TADA2A: variants seen among roughly 807,000 people sequenced by gnomAD.
TADA2A encodes the protein transcriptional adaptor 2A.
TADA2A carries 38 observed loss-of-function variants against 67.4 expected under a neutral mutation model. The ratio of observed to expected loss-of-function variants is 0.56; its 90% confidence interval spans 0.44 to 0.74. The LOEUF (loss-of-function observed/expected upper bound fraction) is 0.74. TADA2A is among the 30% of genes least tolerant of loss of function. The probability of loss-of-function intolerance (pLI) is 0.00; values close to 1 mark genes in which losing one functional copy is unlikely to be tolerated. For synonymous variants in TADA2A, 192 were observed against 181.6 expected (o/e 1.06, Z -0.46); for missense variants, 454 against 547.0 (o/e 0.83, Z 1.70).
At chr17:37,465,640 A>G (rs753500831) in intron 11 of TADA2A, 99 bp downstream of exon 11, 32 of 1,541,584 alleles carry the variant, frequency 2.1e-5, no homozygotes, top group Non-Finnish European at 2.7e-5. Flanking sequence ...TAAATAAATA[A>G]ATGGATATTT....
intron 10 of TADA2A, among the ~76,000 whole-genome samples, chr17:37,463,029 G>A (rs1290245281): frequency 1.3e-5 from 2 of 152,120 alleles, no homozygotes; most frequent in Non-Finnish European, 2.9e-5. Flanking sequence ...ATGGAGTGCA[G>A]TGGTGTGATG....
chr17:37,423,692 C>T (rs1405896709), intron 3 of TADA2A, 77 bp downstream of exon 3: 2 of 1,071,280 alleles, frequency 1.9e-6, no homozygotes, highest in Non-Finnish European at 1.4e-6. Flanking sequence ...AGATTACTGT[C>T]AACTGCTAAG....
chr17:37,439,911 T>G (rs1028586864), intron 5 of TADA2A, among the ~76,000 whole-genome samples: 3 of 44,890 alleles, frequency 6.7e-5, no homozygotes, highest in South Asian at 1.3e-3. Context: ...GTCATCTTTA[T>G]TTATTTATTT....
intron 12 of TADA2A, 74 bp from the exon 13 acceptor site, chr17:37,470,326 T>C: frequency 6.4e-7 from 1 of 1,571,122 alleles, no homozygotes. Flanking sequence ...CCAAAACCGG[T>C]TTCTTGGTCA....
intron 8 of TADA2A, among the ~76,000 whole-genome samples, chr17:37,449,228 A>G (rs574053956): frequency 6.6e-6 from 1 of 152,192 alleles, no homozygotes; most frequent in Non-Finnish European, 1.5e-5. Context: ...TCACCATGTT[A>G]GCCAGGATAG....
chr17:37,440,799 T>C, intron 6 of TADA2A, 137 bp downstream of exon 6: 1 of 1,156,210 alleles, frequency 8.6e-7, no homozygotes. Flanking sequence ...TGGCAGCTAT[T>C]GAGAGTCAGG....
rs780540038 is a variant in TADA2A, at chr17:37,476,859, C to T, written c.1209C>T (p.Asn403=). The T allele has an allele frequency of 6.8e-6, 11 of 1,614,080 alleles. No individual in the cohort carries two copies. Among genetic ancestry groups the T allele is most frequent in the East Asian group, 4.5e-5 (2 of 44,882 alleles). Residue 403 remains asparagine, a synonymous_variant, in exon 16 of 16, where the codon AAC becomes AAT. Transcript: ENST00000615182. ...TAGAATACAAATCTGCTCTATTGAA[C>T]GAATGTAACAAGCAAGGAGGCTTAA... ...AYLEYKSALL[N]ECNKQGGLRL... is the part of the protein sequence containing the mutation.
chr17:37,442,498 T>A, intron 6 of TADA2A, 66 bp from the exon 7 acceptor site: 1 of 1,193,438 alleles, frequency 8.4e-7, no homozygotes, highest in Non-Finnish European at 1.2e-6. Flanking sequence ...ATTCTTGGAC[T>A]ATTATGTCAT....
intron 4 of TADA2A, among the ~76,000 whole-genome samples, chr17:37,432,218 G>T (rs1470423156): frequency 6.6e-6 from 1 of 151,532 alleles, no homozygotes; most frequent in Non-Finnish European, 1.5e-5. Flanking sequence ...AGGCTGGAGT[G>T]CAATTGCACA....
intron 13 of TADA2A, 145 bp from the exon 14 acceptor site, chr17:37,470,949 A>T: frequency 1.3e-6 from 1 of 776,526 alleles, no homozygotes; most frequent in Non-Finnish European, 2.2e-6. Context: ...CAATACAGTG[A>T]GATATCTGTA....
rs1424101658 is a variant in TADA2A at position 37,426,663 on chromosome 17, C to CAA, written c.133-286_133-285insAA. 264 of 98,244 alleles carry CAA rather than the reference C, an allele frequency of 2.7e-3. 7 individuals carry two copies. Among genetic ancestry groups the CAA allele is most frequent in the South Asian group, 7.5e-3 (26 of 3,488 alleles). 6.1% of individuals were successfully genotyped at this position (98,244 alleles called of 1,614,324 possible). On this transcript the variant is annotated intron_variant, in intron 3 of 15. Transcript: ENST00000615182. ...TGGGTGAAAGAGCAAGACTCCGTCT[C>CAA]AGAAAAAAAAAAAAAAAAAAAAAAA...
intron 4 of TADA2A, among the ~76,000 whole-genome samples, chr17:37,434,188 A>G (rs993319147): frequency 6.6e-6 from 1 of 150,794 alleles, no homozygotes; most frequent in East Asian, 2.0e-4. Context: ...GTGTCTCTCA[A>G]TTTTGTCTTC....
At chr17:37,446,112 T>A (rs1282583334) in intron 8 of TADA2A, among the ~76,000 whole-genome samples, 1 of 151,448 alleles carries the variant, frequency 6.6e-6, no homozygotes, top group African/African-American at 2.4e-5. Flanking sequence ...GGTTTTTTTT[T>A]TTTTTTTGGC....
At chr17:37,412,454 T>C (rs891907770) in intron 2 of TADA2A, among the ~76,000 whole-genome samples, 1 of 151,984 alleles carries the variant, frequency 6.6e-6, no homozygotes, top group Non-Finnish European at 1.5e-5. Context: ...TTATGGGGTA[T>C]GTATGAAGTA....
rs1253038066 is a variant in TADA2A, at chr17:37,479,086, C to T, written c.*2104C>T. On this transcript the variant is annotated 3_prime_UTR_variant, in exon 16 of 16. Transcript: ENST00000615182. ...GACGTCTGTTGTAGTCTGAAGAGTC[C>T]TTAACCTTGATTAAGGAAGGCTTCC... The T allele has an allele frequency of 6.6e-6, 1 of 152,102 alleles. No homozygotes were observed. The highest frequency in any genetic ancestry group is 1.9e-4 in the East Asian group (1 of 5,196). The allele number at this position is 152,102 out of a possible 1,614,324, so 9.4% of individuals were successfully genotyped here.
intron 10 of TADA2A, among the ~76,000 whole-genome samples, chr17:37,462,648 A>T (rs772093292): frequency 1.3e-5 from 2 of 151,960 alleles, no homozygotes; most frequent in Admixed American, 6.6e-5. Flanking sequence ...AAATAAATAA[A>T]TAAGCAAATA....
Position 37,444,685 on chromosome 17 carries a change from C to A in TADA2A, c.532-11C>A. 1 of 1,612,526 alleles carries A rather than the reference C, an allele frequency of 6.2e-7. No individual in the cohort carries two copies. Among genetic ancestry groups the A allele is most frequent in the South Asian group, 1.1e-5 (1 of 90,866 alleles). On this transcript the variant is annotated splice_polypyrimidine_tract_variant and intron_variant, in intron 7 of 15. Transcript: ENST00000615182. ...GGTTTGGGGTGGGGATTTTTTTGTT[C>A]CCCTAAACAGGAATTTGACAATTAT...
chr17:37,422,527 G>A (rs1356303880), intron 2 of TADA2A, among the ~76,000 whole-genome samples: 1 of 89,488 alleles, frequency 1.1e-5, no homozygotes, highest in Non-Finnish European at 2.5e-5. Context: ...TATTATTTGA[G>A]GCAGGGTCTA....
At chr17:37,407,713 A>T (rs2051647307) in intron 1 of TADA2A, among the ~76,000 whole-genome samples, 2 of 151,946 alleles carry the variant, frequency 1.3e-5, no homozygotes. Flanking sequence ...CCCAGGCTCA[A>T]GCGATTCTCG....
Sources: gnomAD v4.1 joint callset for allele counts (sites outside exome capture counted in the v4.1 genomes callset) on GRCh38, gnomAD v4.1.1 for gene constraint, MANE v1.5 for transcripts, NCBI Gene and HGNC (gene_info 2026-07-23, HGNC 2026-07-21) for gene names.